Variants in CEP170 observed in about 807,000 individuals in gnomAD.
The protein encoded by CEP170 is centrosomal protein of 170 kDa.
CEP170 carries 21 observed loss-of-function variants against 151.9 expected under a neutral mutation model. That is an observed-to-expected ratio of 0.14 (90% confidence interval 0.10 to 0.20). CEP170 has a LOEUF of 0.20. CEP170 is among the 10% of genes least tolerant of loss of function. The pLI is 1.00. For missense variants in CEP170, 964 were observed against 1,892.9 expected (o/e 0.51, Z 9.11); for synonymous variants, 356 against 648.8 (o/e 0.55, Z 6.86).
chr1:243,169,515 T>C (rs1348784901), intron 12 of CEP170, 113 bp downstream of exon 12: 8 of 1,487,446 alleles, frequency 5.4e-6, no homozygotes, highest in Non-Finnish European at 7.2e-6. Flanking sequence ...TTGTTTTTTA[T>C]AATAACAACT....
At chr1:243,192,767 A>G (rs1270430964) in intron 7 of CEP170, among the ~76,000 whole-genome samples, 2 of 152,252 alleles carry the variant, frequency 1.3e-5, no homozygotes, top group African/African-American at 4.8e-5. Flanking sequence ...AATATGAAAT[A>G]ATATAAAACC....
At chr1:243,148,681 G>T (rs369303029) in intron 14 of CEP170, among the ~76,000 whole-genome samples, 1 of 152,132 alleles carries the variant, frequency 6.6e-6, no homozygotes, top group African/African-American at 2.4e-5. Flanking sequence ...CAGGCAAGAG[G>T]CTCAAAGTTT....
intron 10 of CEP170, among the ~76,000 whole-genome samples, chr1:243,174,598 CATAACT>C (rs1389379835): frequency 2.0e-5 from 3 of 152,154 alleles, no homozygotes; most frequent in African/African-American, 2.4e-5. Context: ...TTAATTCTAA[CATAACT>C]ATAATTGTCA....
chr1:243,173,116 A>G (rs2058977708), intron 10 of CEP170, among the ~76,000 whole-genome samples: 1 of 151,664 alleles, frequency 6.6e-6, no homozygotes. Flanking sequence ...GCTGGAGTAC[A>G]GTGGCGTGAT....
chr1:243,158,482 G>A (rs2057762881), intron 13 of CEP170, among the ~76,000 whole-genome samples: 1 of 152,130 alleles, frequency 6.6e-6, no homozygotes, highest in Non-Finnish European at 1.5e-5. Flanking sequence ...AGGTAACTTA[G>A]AAAGAATGGC....
chr1:243,212,655 T>C (rs2061914418), intron 3 of CEP170, among the ~76,000 whole-genome samples: 1 of 151,114 alleles, frequency 6.6e-6, no homozygotes, highest in Non-Finnish European at 1.5e-5. Flanking sequence ...CAAAAAAATA[T>C]TGTAAGCCAC....
At chr1:243,253,906 T>G (rs536270366) in intron 1 of CEP170, among the ~76,000 whole-genome samples, 1 of 152,352 alleles carries the variant, frequency 6.6e-6, no homozygotes, top group Non-Finnish European at 1.5e-5. Context: ...AGAATAAAAA[T>G]GAGTTAACAA....
In CEP170 at chr1:243,223,943, G is replaced by C. The variant is rs1047557786; in HGVS notation, c.105+1233C>G. 2.6e-5 allele frequency among the ~76,000 whole-genome samples: 4 copies of C among 152,108 alleles called. No homozygotes were observed. The South Asian group carries it at 8.3e-4, about 32-fold the overall frequency. The stretch of plus-strand genomic sequence containing the variant: ...TTTCAGCACCCATGACAGGAATTAA[G>C]CAGAAGACCAAGATTACAGAACATA... On this transcript the variant is annotated intron_variant, in intron 2 of 19. Coordinates refer to ENST00000366542, the MANE Select transcript of CEP170 (RefSeq NM_014812.3).
intron 14 of CEP170, among the ~76,000 whole-genome samples, chr1:243,147,587 CAT>C (rs2056645830): frequency 6.6e-6 from 1 of 152,144 alleles, no homozygotes; most frequent in African/African-American, 2.4e-5. Context: ...ATGAAATCAA[CAT>C]ATGCAGGTGT....
chr1:243,213,441 A>G (rs1246390890), intron 3 of CEP170, among the ~76,000 whole-genome samples: 1 of 152,210 alleles, frequency 6.6e-6, no homozygotes, highest in East Asian at 1.9e-4. Flanking sequence ...AGAAGAAAAC[A>G]GGAAGATATT....
chr1:243,190,309 T>C (rs1321572948), intron 8 of CEP170, among the ~76,000 whole-genome samples: 1 of 152,184 alleles, frequency 6.6e-6, no homozygotes, highest in Non-Finnish European at 1.5e-5. Context: ...ATAAATTTAA[T>C]TGGCAAAACC....
At chr1:243,155,339 C>T (rs562610568) in intron 14 of CEP170, among the ~76,000 whole-genome samples, 1 of 148,326 alleles carries the variant, frequency 6.7e-6, no homozygotes, top group African/African-American at 2.4e-5. Flanking sequence ...AAAAGATGAA[C>T]ATTAACATAG....
intron 10 of CEP170, among the ~76,000 whole-genome samples, chr1:243,182,298 T>C (rs1014443278): frequency 2.1e-4 from 32 of 152,180 alleles, no homozygotes; most frequent in African/African-American, 7.5e-4. Flanking sequence ...GCCTGCAGAA[T>C]TGTGAGCTAA....
In CEP170 at chr1:243,140,212, G is replaced by A. The variant is rs2055665005; in HGVS notation, c.4060-105C>T. On this transcript the variant is annotated intron_variant, in intron 15 of 19. Transcript: ENST00000366542. ...TAGACAGAAGTTATTCCATTCTCAA[G>A]TAGTAACAGAGGCACAACATCTTCA... The A allele has an allele frequency of 2.0e-6, 3 of 1,466,032 alleles. No homozygotes were observed. The Admixed American group carries it at 7.1e-5, about 35-fold the overall frequency. 90.8% of individuals were successfully genotyped at this position (1,466,032 alleles called of 1,614,324 possible). A position where few individuals can be genotyped will look rare whatever the true frequency, so the allele number is the denominator to read the frequency against.
chr1:243,228,609 C>T (rs969298279), intron 1 of CEP170, among the ~76,000 whole-genome samples: 1 of 152,132 alleles, frequency 6.6e-6, no homozygotes, highest in African/African-American at 2.4e-5. Context: ...AACAGTTACA[C>T]GTTTACTCAA....
intron 14 of CEP170, among the ~76,000 whole-genome samples, chr1:243,151,886 T>C (rs1289299790): frequency 6.6e-6 from 1 of 152,190 alleles, no homozygotes; most frequent in African/African-American, 2.4e-5. Context: ...TAGGGGTTAA[T>C]GTAGCTGGTG....
rs989636559 is a variant in CEP170, at chr1:243,124,541, A to C, written c.*1908T>G. 1 of 152,646 alleles carries C rather than the reference A, an allele frequency of 6.6e-6. No homozygotes were observed. Among genetic ancestry groups the C allele is most frequent in the Non-Finnish European group, 1.5e-5 (1 of 68,022 alleles). 9.5% of individuals were successfully genotyped at this position (152,646 alleles called of 1,614,324 possible). On this transcript the variant is annotated 3_prime_UTR_variant, in exon 20 of 20. Transcript: ENST00000366542. ...GAGGATAATGTATTCATACAAAATA[A>C]AAATAACATAGTAAAAGGCCAAATG...
At chr1:243,253,014 A>C (rs2066084864) in intron 1 of CEP170, 1 of 152,214 alleles carries the variant, frequency 6.6e-6, no homozygotes. Flanking sequence ...TGTTATGCGG[A>C]AATTTTATTT....
intron 10 of CEP170, among the ~76,000 whole-genome samples, chr1:243,175,896 A>T (rs2059211427): frequency 1.3e-5 from 2 of 152,088 alleles, no homozygotes; most frequent in Admixed American, 1.3e-4. Context: ...TCCCGGGTTC[A>T]CGCCATTCTC....
Sources: gnomAD v4.1 joint callset for allele counts (sites outside exome capture counted in the v4.1 genomes callset) on GRCh38, gnomAD v4.1.1 for gene constraint, MANE v1.5 for transcripts, NCBI Gene and HGNC (gene_info 2026-07-23, HGNC 2026-07-21) for gene names.